The following SLC37A3 variants were observed in gnomAD, a reference collection of about 807,000 sequenced individuals.
SLC37A3 encodes the protein sugar phosphate exchanger 3.
A neutral mutation model predicts 67.1 loss-of-function variants in SLC37A3; 51 were observed. That is an observed-to-expected ratio of 0.76 (90% CI 0.61 to 0.96). The LOEUF (loss-of-function observed/expected upper bound fraction) is 0.96. Among genes scored for constraint, SLC37A3 ranks in the 40% least tolerant of loss-of-function variants. The pLI is 0.00. For synonymous variants in SLC37A3, 214 were observed against 231.4 expected, an observed-to-expected ratio of 0.92 and a Z score of 0.68; for missense variants, 508 against 603.0, an observed-to-expected ratio of 0.84 and a Z score of 1.65.
At chr7:140,363,740 CAAAAAAAAAAAAA>C (rs71170980) in intron 5 of SLC37A3, among the ~76,000 whole-genome samples, 3 of 107,858 alleles carry the variant, frequency 2.8e-5, no homozygotes, top group Non-Finnish European at 5.5e-5. Flanking sequence ...AACTCCGCCT[CAAAAAAAAAAAAA>C]AAAAAAAAAA....
chr7:140,380,336 G>A lies in SLC37A3; in HGVS notation c.144C>T (p.Ile48=). 1 of 1,613,648 alleles carries A rather than the reference G, an allele frequency of 6.2e-7. No homozygotes were observed. Residue 48 remains isoleucine (I), a synonymous_variant, in exon 3 of 15, where the codon ATC becomes ATT. Transcript: ENST00000326232. ...AAGCACTTGGGGTCCACTGCTCAGA[G>A]ATACTGACTTTGACATTGCTAAATG... ...RKTFSNVKVS[I]SEQWTPSAFN... is the part of the protein sequence containing the mutation.
At chr7:140,362,890 C>A (rs1797410632) in intron 5 of SLC37A3, among the ~76,000 whole-genome samples, 4 of 44,358 alleles carry the variant, frequency 9.0e-5, no homozygotes, top group South Asian at 1.6e-3. Context: ...CCGCCCCGTC[C>A]GGGAGGGAGG....
At chr7:140,351,159 T>C in intron 9 of SLC37A3, 114 bp downstream of exon 9, 1 of 1,064,522 alleles carries the variant, frequency 9.4e-7, no homozygotes, top group Non-Finnish European at 1.3e-6. Context: ...CGTATATTCC[T>C]AAAATAAAGT....
At chr7:140,379,020 C>T (rs936453196) in intron 3 of SLC37A3, among the ~76,000 whole-genome samples, 1 of 151,654 alleles carries the variant, frequency 6.6e-6, no homozygotes, top group African/African-American at 2.4e-5. Flanking sequence ...CTTCAAGGCA[C>T]GTAAGCAAGA....
intron 5 of SLC37A3, among the ~76,000 whole-genome samples, chr7:140,359,551 C>A (rs774387335): frequency 3.9e-5 from 6 of 152,096 alleles, no homozygotes; most frequent in African/African-American, 1.4e-4. Flanking sequence ...GCTACAGCTC[C>A]TGAGTTAATC....
chr7:140,380,556 T>C (rs1798211174), intron 2 of SLC37A3, among the ~76,000 whole-genome samples, 166 bp from the exon 3 acceptor site: 1 of 152,206 alleles, frequency 6.6e-6, no homozygotes, highest in Admixed American at 6.5e-5. Flanking sequence ...TTTTATTTCT[T>C]TTTATTTTTT....
At chr7:140,359,364 T>C (rs1797172523) in intron 5 of SLC37A3, among the ~76,000 whole-genome samples, 1 of 148,052 alleles carries the variant, frequency 6.8e-6, no homozygotes, top group African/African-American at 2.5e-5. Flanking sequence ...AAAAAAGTAA[T>C]TCCTCATTTT....
At chr7:140,365,332 C>T (rs1483378648) in intron 4 of SLC37A3, among the ~76,000 whole-genome samples, 2 of 152,102 alleles carry the variant, frequency 1.3e-5, no homozygotes, top group African/African-American at 4.8e-5. Flanking sequence ...TGGTGTCTCA[C>T]GCCTGTAATC....
intron 1 of SLC37A3, among the ~76,000 whole-genome samples, chr7:140,384,927 T>G (rs1045414292): frequency 6.6e-6 from 1 of 152,106 alleles, no homozygotes; most frequent in East Asian, 1.9e-4. Flanking sequence ...TAGCCACAGC[T>G]CAACAGATGC....
intron 3 of SLC37A3, chr7:140,379,989 T>C (rs561346204): frequency 5.2e-6 from 1 of 191,192 alleles, no homozygotes; most frequent in Non-Finnish European, 1.1e-5. Flanking sequence ...TAAAAGATAA[T>C]GTGCAAAATC....
At chr7:140,395,710 AAAAT>A (rs1165927654) in intron 1 of SLC37A3, among the ~76,000 whole-genome samples, 1 of 152,018 alleles carries the variant, frequency 6.6e-6, no homozygotes, top group Non-Finnish European at 1.5e-5. Flanking sequence ...TCTGTCTCAA[AAAAT>A]AAATAAATAA....
At chr7:140,380,897 C>CTTCTTTTTTT (rs57748652) in intron 2 of SLC37A3, among the ~76,000 whole-genome samples, 1 of 125,882 alleles carries the variant, frequency 7.9e-6, no homozygotes, top group African/African-American at 2.9e-5. Flanking sequence ...TCTTCTTCTT[C>CTTCTTTTTTT]TTTTTTTTTT....
chr7:140,372,547 A>T (rs1236219918), intron 3 of SLC37A3, among the ~76,000 whole-genome samples: 1 of 152,190 alleles, frequency 6.6e-6, no homozygotes, highest in Non-Finnish European at 1.5e-5. Context: ...GCTCACAATA[A>T]AAAACCAAAA....
chr7:140,385,027 T>G (rs997512878), intron 1 of SLC37A3, among the ~76,000 whole-genome samples: 5 of 152,222 alleles, frequency 3.3e-5, no homozygotes, highest in African/African-American at 1.2e-4. Context: ...GTTACAATTA[T>G]GTACACATGA....
Position 140,380,376 on chromosome 7 carries a change from T to A in SLC37A3, c.104A>T (p.His35Leu), listed in dbSNP as rs1379227963. 11 of 1,611,928 alleles carry A rather than the reference T, an allele frequency of 6.8e-6. No homozygotes were observed. The highest frequency in any genetic ancestry group is 1.3e-5 in the African/African-American group (1 of 74,848). The change falls in exon 3 of 15, where the codon CAT becomes CTT. Residue 35 changes from histidine to leucine, a missense_variant. By Grantham distance (99) the His-to-Leu change is moderately conservative. Transcript: ENST00000326232. ...LLTFFSYSLL[H>L]ASRKTFSNVK... The stretch of plus-strand genomic sequence containing the variant: ...ATTGCTAAATGTTTTTCGTGAAGCA[T>A]GGAGCAACGAATAACTACAAAATAG...
chr7:140,357,072 G>A (rs1277882477), intron 6 of SLC37A3, among the ~76,000 whole-genome samples: 3 of 151,778 alleles, frequency 2.0e-5, no homozygotes, highest in East Asian at 3.9e-4. Flanking sequence ...AAATTAGCTG[G>A]GCATGGTGGC....
At chr7:140,380,182 G>T (rs940069994) in intron 3 of SLC37A3, 100 bp downstream of exon 3, 2 of 596,226 alleles carry the variant, frequency 3.4e-6, no homozygotes, top group African/African-American at 3.8e-5. Flanking sequence ...AGCCATTTCA[G>T]AGTCTAGGCA....
chr7:140,343,588 T>C (rs573833772), intron 12 of SLC37A3, 25 bp from the exon 13 acceptor site: 1 of 1,612,256 alleles, frequency 6.2e-7, no homozygotes, highest in South Asian at 1.1e-5. Flanking sequence ...AGGTTCTTAT[T>C]AAAACACAAT....
chr7:140,335,132 G>A lies in SLC37A3; in HGVS notation c.*280C>T. 2 of 1,226,512 alleles carry A rather than the reference G, an allele frequency of 1.6e-6. No homozygotes were observed. The highest frequency in any genetic ancestry group is 2.2e-6 in the Non-Finnish European group (2 of 889,386). 76.0% of individuals were successfully genotyped at this position (1,226,512 alleles called of 1,614,324 possible). ...GCTAAACCTCAATAGGCCAAACAAA[G>A]ACGCGGGCAGAGTCAGAGGTCAAAG... On this transcript the variant is annotated 3_prime_UTR_variant, in exon 15 of 15. Transcript: ENST00000326232.
Sources: allele counts gnomAD v4.1 joint callset (sites outside exome capture counted in the v4.1 genomes callset), GRCh38; gene constraint gnomAD v4.1.1; transcripts MANE v1.5; gene names NCBI Gene and HGNC (gene_info 2026-07-23, HGNC 2026-07-21).